XRCC5: variants seen among roughly 807,000 people sequenced by gnomAD.
The protein encoded by XRCC5 is X-ray repair cross complementing 5, also known as DNA repair protein Ku80.
In XRCC5, 12 loss-of-function variants were observed where a neutral mutation model predicts 95.7. That is an observed-to-expected ratio of 0.13 (90% CI 0.08 to 0.20). The LOEUF (loss-of-function observed/expected upper bound fraction) is 0.20, where lower values mean the gene tolerates loss of function less well. XRCC5 is among the 10% of genes least tolerant of loss of function. XRCC5 has a pLI of 1.00. For synonymous variants in XRCC5, 281 were observed against 290.3 expected (o/e 0.97, Z 0.33); for missense variants, 595 against 873.9 (o/e 0.68, Z 4.02).
chr2:216,175,330 G>A, intron 16 of XRCC5: 1 of 460,516 alleles, frequency 2.2e-6, no homozygotes, highest in Non-Finnish European at 4.2e-6. Flanking sequence ...TTCCACCACA[G>A]CCAAAATTAC....
intron 13 of XRCC5, among the ~76,000 whole-genome samples, chr2:216,146,515 A>G (rs954787246): frequency 5.3e-5 from 8 of 152,324 alleles, no homozygotes; most frequent in African/African-American, 1.7e-4. Flanking sequence ...AGAATTACCA[A>G]TTTATAAGTT....
chr2:216,188,768 T>G (rs1262390902), intron 16 of XRCC5, among the ~76,000 whole-genome samples: 1 of 152,232 alleles, frequency 6.6e-6, no homozygotes, highest in Non-Finnish European at 1.5e-5. Flanking sequence ...GGTTGTATTA[T>G]TTACCTTGTT....
intron 19 of XRCC5, chr2:216,204,053 G>T: frequency 2.2e-6 from 1 of 453,030 alleles, no homozygotes; most frequent in South Asian, 2.2e-5. Context: ...ACTACACACT[G>T]TCTCGACAAG....
intron 16 of XRCC5, among the ~76,000 whole-genome samples, chr2:216,172,469 CTT>C (rs746493174): frequency 1.0e-4 from 11 of 107,790 alleles, no homozygotes; most frequent in Non-Finnish European, 1.1e-4. Flanking sequence ...CTTTTCTTTT[CTT>C]TTTTTTTTTT....
chr2:216,126,266 C>T (rs771674142), intron 7 of XRCC5, among the ~76,000 whole-genome samples: 5 of 152,078 alleles, frequency 3.3e-5, no homozygotes, highest in Non-Finnish European at 5.9e-5. Context: ...ACTTTCTCTC[C>T]ATTGGTAATT....
chr2:216,175,052 T>A (rs948895269), intron 16 of XRCC5: 1 of 317,382 alleles, frequency 3.2e-6, no homozygotes. Flanking sequence ...TCATTATAGT[T>A]CCCACCACCA....
intron 6 of XRCC5, among the ~76,000 whole-genome samples, chr2:216,125,071 T>C (rs917334141): frequency 1.2e-4 from 19 of 152,194 alleles, no homozygotes; most frequent in African/African-American, 4.6e-4. Context: ...TATATACATA[T>C]AAAAATGTGT....
rs207914 is a variant in XRCC5 at position 216,160,951 on chromosome 2, C to G, written c.1764+790C>G. On this transcript the variant is annotated intron_variant, in intron 15 of 20. Transcript: ENST00000392132. Reference sequence around the variant, plus strand: ...TCAAGCAATCCTCCCGCTTCAGCCTCCCGAAGCACTGGGATTATAGTCATG... The same window carrying G: ...TCAAGCAATCCTCCCGCTTCAGCCTGCCGAAGCACTGGGATTATAGTCATG... Among the ~76,000 whole-genome samples, 7 of 151,922 alleles carry G rather than the reference C, an allele frequency of 4.6e-5. No homozygotes were observed. The East Asian group carries it at 1.2e-3, about 25-fold the overall frequency.
intron 6 of XRCC5, 32 bp downstream of exon 6, chr2:216,122,285 A>T: frequency 6.4e-7 from 1 of 1,568,692 alleles, no homozygotes; most frequent in Non-Finnish European, 8.6e-7. Context: ...GGGAATTTTT[A>T]ATTGTACCCA....
In XRCC5 at chr2:216,148,092, C is replaced by T. The variant is rs771976590; in HGVS notation, c.1486C>T (p.His496Tyr). Residue 496 changes from histidine (H) to tyrosine (Y), a missense_variant, in exon 14 of 21, where the codon CAC becomes TAC. Transcript: ENST00000392132. The stretch of plus-strand genomic sequence containing the variant: ...TTACTTTTTCCAACAGTGTCTGCTG[C>T]ACAGAGCTTTACATCCCCGGGAGCC... ...RFQRLFQCLL[H>Y]RALHPREPLP... 8.7e-5 allele frequency: 141 copies of T among 1,613,186 alleles called. 1 individual carries two copies. In the Middle Eastern group the frequency reaches 3.6e-3, roughly 41 times the overall value.
At chr2:216,184,411 T>A (rs1689453583) in intron 16 of XRCC5, among the ~76,000 whole-genome samples, 1 of 152,242 alleles carries the variant, frequency 6.6e-6, no homozygotes, top group Non-Finnish European at 1.5e-5. Flanking sequence ...TTTCATTGTA[T>A]CCTACCTCAC....
At chr2:216,168,415 A>G (rs1689093081) in intron 16 of XRCC5, among the ~76,000 whole-genome samples, 1 of 152,234 alleles carries the variant, frequency 6.6e-6, no homozygotes, top group South Asian at 2.1e-4. Flanking sequence ...TGAAATAGAG[A>G]TGAAAAGAAA....
chr2:216,157,552 C>T (rs999162044), intron 14 of XRCC5, among the ~76,000 whole-genome samples: 8 of 125,846 alleles, frequency 6.4e-5, no homozygotes, highest in African/African-American at 1.3e-4. Context: ...ATTTTCTATC[C>T]TCTGAAAGAG....
At chr2:216,202,260 A>G (rs1405113749) in intron 19 of XRCC5, among the ~76,000 whole-genome samples, 1 of 152,200 alleles carries the variant, frequency 6.6e-6, no homozygotes, top group African/African-American at 2.4e-5. Context: ...TCTTGCCCCA[A>G]CTGGATAAGT....
intron 16 of XRCC5, among the ~76,000 whole-genome samples, chr2:216,178,078 G>A (rs1447115296): frequency 6.6e-6 from 1 of 151,960 alleles, no homozygotes; most frequent in African/African-American, 2.4e-5. Flanking sequence ...TGGTTCAGAA[G>A]GAATAAAACA....
At chr2:216,145,884 A>G (rs1018082673) in intron 13 of XRCC5, among the ~76,000 whole-genome samples, 1 of 152,218 alleles carries the variant, frequency 6.6e-6, no homozygotes, top group Admixed American at 6.5e-5. Flanking sequence ...TCAGGAGTTT[A>G]TGAGAGGTAG....
chr2:216,120,167 CT>C (rs370677328), intron 5 of XRCC5, among the ~76,000 whole-genome samples: 45 of 152,330 alleles, frequency 3.0e-4, no homozygotes, highest in African/African-American at 1.1e-3. Flanking sequence ...TAAGATGGTA[CT>C]TCAGAGAAAT....
chr2:216,188,696 G>A (rs143542186), intron 16 of XRCC5, among the ~76,000 whole-genome samples: 1 of 152,268 alleles, frequency 6.6e-6, no homozygotes, highest in East Asian at 1.9e-4. Context: ...GCTGAAAAGG[G>A]GAGATAACTT....
At chr2:216,203,583 C>G (rs769624133) in intron 19 of XRCC5, among the ~76,000 whole-genome samples, 7 of 152,246 alleles carry the variant, frequency 4.6e-5, no homozygotes, top group Non-Finnish European at 8.8e-5. Context: ...TAGATCCTCA[C>G]AGACTTCACT....
Sources: gnomAD v4.1 joint callset for allele counts (sites outside exome capture counted in the v4.1 genomes callset) on GRCh38, gnomAD v4.1.1 for gene constraint, MANE v1.5 for transcripts, NCBI Gene and HGNC (gene_info 2026-07-23, HGNC 2026-07-21) for gene names.